The following OTOP1 variants were observed in gnomAD, a reference collection of about 807,000 sequenced individuals.
OTOP1 encodes the protein proton channel OTOP1.
OTOP1 carries 59 observed loss-of-function variants against 52.9 expected under a neutral mutation model. That is an observed-to-expected ratio of 1.12 (90% CI 0.91 to 1.39). The LOEUF (loss-of-function observed/expected upper bound fraction) is 1.39. Ranked by LOEUF, OTOP1 falls within the 40% of genes most tolerant of loss-of-function variation. The pLI is 0.00. For missense variants in OTOP1, 761 were observed against 800.9 expected (o/e 0.95, Z 0.60); for synonymous variants, 317 against 337.7 (o/e 0.94, Z 0.67).
chr4:4,202,997 TC>T (rs887153637), intron 3 of OTOP1, among the ~76,000 whole-genome samples: 1 of 152,122 alleles, frequency 6.6e-6, no homozygotes, highest in Non-Finnish European at 1.5e-5. Flanking sequence ...GGAGAGCAGG[TC>T]CACCCTTACT....
chr4:4,213,541 C>T (rs976480653), intron 1 of OTOP1, among the ~76,000 whole-genome samples: 3 of 152,146 alleles, frequency 2.0e-5, no homozygotes, highest in African/African-American at 7.2e-5. Flanking sequence ...ACATTAAATA[C>T]CTCATATAAT....
At chr4:4,223,780 G>A (rs1159216949) in intron 1 of OTOP1, among the ~76,000 whole-genome samples, 1 of 152,032 alleles carries the variant, frequency 6.6e-6, no homozygotes, top group African/African-American at 2.4e-5. Flanking sequence ...ATGTGCACCT[G>A]TAGTCCCAGC....
chr4:4,217,912 G>A (rs1577183962), intron 1 of OTOP1, among the ~76,000 whole-genome samples: 1 of 152,180 alleles, frequency 6.6e-6, no homozygotes, highest in Non-Finnish European at 1.5e-5. Context: ...AGCTGGAGGA[G>A]GGTGGAGGTA....
At chr4:4,216,550 C>G (rs1717156577) in intron 1 of OTOP1, among the ~76,000 whole-genome samples, 1 of 152,224 alleles carries the variant, frequency 6.6e-6, no homozygotes, top group East Asian at 1.9e-4. Context: ...AAAAGTAATG[C>G]AATCGCCTGG....
chr4:4,189,882 CAA>C (rs1469909528), intron 5 of OTOP1, among the ~76,000 whole-genome samples: 2 of 152,224 alleles, frequency 1.3e-5, no homozygotes, highest in Non-Finnish European at 2.9e-5. Context: ...CCACCTCTCG[CAA>C]AGTCAAGCCT....
intron 2 of OTOP1, among the ~76,000 whole-genome samples, chr4:4,209,020 C>T (rs1321491719): frequency 2.0e-5 from 3 of 152,144 alleles, no homozygotes; most frequent in African/African-American, 7.2e-5. Context: ...GGTGGAGATG[C>T]CAGTGCTGGG....
chr4:4,224,492 G>C (rs796875759), intron 1 of OTOP1, among the ~76,000 whole-genome samples: 24 of 152,226 alleles, frequency 1.6e-4, no homozygotes, highest in African/African-American at 4.8e-4. Context: ...CAAAAAAGGG[G>C]CTTTGACTAT....
chr4:4,192,865 G>A (rs1410385672), intron 5 of OTOP1, among the ~76,000 whole-genome samples: 1 of 152,036 alleles, frequency 6.6e-6, no homozygotes, highest in East Asian at 1.9e-4. Context: ...TGAAAGAACG[G>A]TGGTTGTCAG....
At chr4:4,204,931 C>G (rs1177943471) in intron 3 of OTOP1, among the ~76,000 whole-genome samples, 1 of 152,082 alleles carries the variant, frequency 6.6e-6, no homozygotes, top group Non-Finnish European at 1.5e-5. Context: ...CCACCACACA[C>G]AGCTAATTTT....
intron 5 of OTOP1, among the ~76,000 whole-genome samples, chr4:4,193,404 C>G (rs1401472474): frequency 2.0e-5 from 3 of 152,228 alleles, no homozygotes; most frequent in Non-Finnish European, 4.4e-5. Flanking sequence ...ATTCAACTAA[C>G]ATTTCCATGT....
chr4:4,216,471 C>A (rs2108804230), intron 1 of OTOP1, among the ~76,000 whole-genome samples: 1 of 152,242 alleles, frequency 6.6e-6, no homozygotes, highest in East Asian at 1.9e-4. Flanking sequence ...AGGCACTGAG[C>A]AGAGAGGAGG....
At chr4:4,194,385 T>G (rs1197976198) in intron 5 of OTOP1, among the ~76,000 whole-genome samples, 1 of 152,214 alleles carries the variant, frequency 6.6e-6, no homozygotes, top group Non-Finnish European at 1.5e-5. Flanking sequence ...ACATAGCCCC[T>G]GGCATACAGC....
intron 5 of OTOP1, among the ~76,000 whole-genome samples, chr4:4,194,519 A>G (rs1275143467): frequency 6.6e-6 from 1 of 152,204 alleles, no homozygotes; most frequent in Non-Finnish European, 1.5e-5. Flanking sequence ...GGGTGATCCA[A>G]GGTTAGAGTG....
chr4:4,193,655 TG>T (rs1716560504), intron 5 of OTOP1, among the ~76,000 whole-genome samples: 1 of 152,134 alleles, frequency 6.6e-6, no homozygotes, highest in Admixed American at 6.5e-5. Flanking sequence ...ACCCAACCAG[TG>T]CCTGGGGGCA....
chr4:4,191,333 T>C (rs2916408), intron 5 of OTOP1, among the ~76,000 whole-genome samples: 119,623 of 152,134 alleles, frequency 0.79, 47,591 homozygotes, highest in African/African-American at 0.89. Context: ...ACTAGGGCTC[T>C]ACTCGGCCAC....
At chr4:4,205,186 C>T (rs1368990060) in intron 3 of OTOP1, among the ~76,000 whole-genome samples, 1 of 152,198 alleles carries the variant, frequency 6.6e-6, no homozygotes, top group Non-Finnish European at 1.5e-5. Flanking sequence ...GGTGGGTGGA[C>T]CTAGTAACAG....
Position 4,226,682 on chromosome 4 carries a change from C to T in OTOP1, c.183G>A (p.Leu61=), listed in dbSNP as rs1239492135. The T allele has an allele frequency of 2.6e-6, 4 of 1,526,634 alleles. No individual in the cohort carries two copies. Among genetic ancestry groups the T allele is most frequent in the African/African-American group, 1.4e-5 (1 of 69,822 alleles). The allele number at this position is 1,526,634 out of a possible 1,614,324, so 94.6% of individuals were successfully genotyped here. Residue 61 remains leucine, a synonymous_variant, in exon 1 of 6, where the codon CTG becomes CTA. Transcript: ENST00000296358. ...ACACGATCAGCCCATACTGGCTGCT[C>T]AGCATCTCGGCCAGTTTCTGTGGGA... ...ASVPQKLAEM[L]SSQYGLIVFV...
At chr4:4,192,534 C>T (rs572609777) in intron 5 of OTOP1, among the ~76,000 whole-genome samples, 6 of 152,312 alleles carry the variant, frequency 3.9e-5, no homozygotes, top group African/African-American at 1.4e-4. Context: ...CTACTGGGTT[C>T]ATCCATTTGG....
chr4:4,198,024 G>A lies in OTOP1; in HGVS notation c.810C>T (p.Leu270=). ...CTAISHGIYY[L]YPFNIEYQIL... ...TCTGATACTCTATGTTGAAGGGGTA[G>A]AGGTAGTAGATCCCGTGGGAGATGG... The change falls in exon 5 of 6, where the codon CTC becomes CTT. Residue 270 remains leucine (L), a synonymous_variant. Transcript: ENST00000296358. 6.2e-7 allele frequency: 1 copy of A among 1,614,138 alleles called. No individual in the cohort carries two copies. Among genetic ancestry groups the A allele is most frequent in the East Asian group, 2.2e-5 (1 of 44,876 alleles).
Sources: allele counts gnomAD v4.1 joint callset (sites outside exome capture counted in the v4.1 genomes callset), GRCh38; gene constraint gnomAD v4.1.1; transcripts MANE v1.5; gene names NCBI Gene and HGNC (gene_info 2026-07-23, HGNC 2026-07-21).